Variants in SPATS2 observed in about 807,000 individuals in gnomAD.
SPATS2 encodes spermatogenesis associated serine rich 2.
In SPATS2, 38 loss-of-function variants were observed where a neutral mutation model predicts 63.7. The ratio of observed to expected loss-of-function variants is 0.60; its 90% CI spans 0.46 to 0.78. The LOEUF is 0.78. Among genes scored for constraint, SPATS2 ranks in the 30% least tolerant of loss-of-function variants. The pLI, the probability that SPATS2 is intolerant of heterozygous loss-of-function variation, is 0.00. For synonymous variants in SPATS2, 207 were observed against 232.9 expected, an observed-to-expected ratio of 0.89 and a Z score of 1.01; for missense variants, 588 against 666.2, an observed-to-expected ratio of 0.88 and a Z score of 1.29.
intron 3 of SPATS2, among the ~76,000 whole-genome samples, chr12:49,466,602 A>G (rs1300857532): frequency 6.6e-6 from 1 of 152,232 alleles, no homozygotes; most frequent in African/African-American, 2.4e-5. Context: ...GTTGAAAATC[A>G]GTAGACCATG....
At chr12:49,500,953 A>G (rs745759070) in intron 9 of SPATS2, among the ~76,000 whole-genome samples, 1 of 151,538 alleles carries the variant, frequency 6.6e-6, no homozygotes, top group African/African-American at 2.4e-5. Context: ...TATTATTATT[A>G]TTGTTGTTTT....
At chr12:49,423,721 C>G (rs1323561696) in intron 2 of SPATS2, among the ~76,000 whole-genome samples, 1 of 152,074 alleles carries the variant, frequency 6.6e-6, no homozygotes, top group Non-Finnish European at 1.5e-5. Context: ...TTAAAGAAAC[C>G]CTGTAAGTAA....
intron 2 of SPATS2, among the ~76,000 whole-genome samples, chr12:49,436,809 C>T (rs1204962155): frequency 7.4e-6 from 1 of 135,674 alleles, no homozygotes; most frequent in African/African-American, 2.8e-5. Context: ...TAGGGGCGGC[C>T]GGGCAGAGGC....
chr12:49,466,307 C>T (rs764670307), intron 3 of SPATS2, among the ~76,000 whole-genome samples: 1 of 151,786 alleles, frequency 6.6e-6, no homozygotes, highest in African/African-American at 2.4e-5. Flanking sequence ...GGATTACAGG[C>T]GCCCACCACC....
chr12:49,477,769 C>T (rs1349179428), intron 3 of SPATS2, among the ~76,000 whole-genome samples: 1 of 152,104 alleles, frequency 6.6e-6, no homozygotes, highest in Non-Finnish European at 1.5e-5. Context: ...CTAAATTTCC[C>T]TGATGTGCTC....
At chr12:49,456,031 C>T (rs1294801552) in intron 2 of SPATS2, among the ~76,000 whole-genome samples, 1 of 152,202 alleles carries the variant, frequency 6.6e-6, no homozygotes, top group African/African-American at 2.4e-5. Context: ...CTTGGTCTTG[C>T]TTGTTTGCCA....
At chr12:49,474,978 A>G (rs1169494653) in intron 3 of SPATS2, among the ~76,000 whole-genome samples, 2 of 152,198 alleles carry the variant, frequency 1.3e-5, no homozygotes, top group Non-Finnish European at 2.9e-5. Flanking sequence ...TTTTAAAACC[A>G]TCAGATCTCA....
rs115203788 is a variant in SPATS2, at chr12:49,489,929, A to G, written c.214+356A>G. On this transcript the variant is annotated intron_variant, in intron 5 of 13. Transcript: ENST00000552918. ...TTCAGTGGCTCACCAACAGATGGCA[A>G]ATTCAAGGACTCAGTATTGTCTTCC... 5.8e-3 allele frequency among the ~76,000 whole-genome samples: 876 copies of G among 152,324 alleles called. 7 individuals carry two copies. Among genetic ancestry groups the G allele is most frequent in the Middle Eastern group, 0.034 (10 of 294 alleles).
intron 2 of SPATS2, among the ~76,000 whole-genome samples, chr12:49,429,356 G>A (rs1426811573): frequency 6.6e-6 from 1 of 152,134 alleles, no homozygotes; most frequent in Non-Finnish European, 1.5e-5. Flanking sequence ...AGAGTTTTTA[G>A]ATTAAAGTAG....
At chr12:49,420,421 C>T (rs1304542487) in intron 2 of SPATS2, among the ~76,000 whole-genome samples, 1 of 152,176 alleles carries the variant, frequency 6.6e-6, no homozygotes, top group Non-Finnish European at 1.5e-5. Context: ...TGGGGAAACC[C>T]CATTTCTCCT....
At chr12:49,479,288 G>A (rs1451380142) in intron 3 of SPATS2, among the ~76,000 whole-genome samples, 1 of 152,262 alleles carries the variant, frequency 6.6e-6, no homozygotes, top group Non-Finnish European at 1.5e-5. Context: ...TGGCCTGACA[G>A]TGGGGCCTAA....
At chr12:49,525,906 G>A in intron 13 of SPATS2, 38 bp from the exon 14 acceptor site, 1 of 1,593,200 alleles carries the variant, frequency 6.3e-7, no homozygotes, top group Non-Finnish European at 8.6e-7. Flanking sequence ...GTACCATAAT[G>A]CTAGAGCACC....
chr12:49,523,788 A>G (rs1386140906), intron 12 of SPATS2, among the ~76,000 whole-genome samples: 2 of 151,768 alleles, frequency 1.3e-5, no homozygotes, highest in African/African-American at 4.8e-5. Context: ...CATCTCTACT[A>G]AAAAATACAA....
rs986100223 is a variant in SPATS2 at position 49,462,609 on chromosome 12, G to T, written c.25+1572G>T. The T allele has an allele frequency of 1.0e-5, 6 of 597,720 alleles. No homozygotes were observed. The Middle Eastern group carries it at 1.8e-3, about 175-fold the overall frequency. 37.0% of individuals were successfully genotyped at this position (597,720 alleles called of 1,614,324 possible). A position where few individuals can be genotyped will look rare whatever the true frequency, so the allele number is the denominator to read the frequency against. On this transcript the variant is annotated intron_variant, in intron 3 of 13. Transcript: ENST00000552918. ...CTCTTGTCTGGTGTCCAGGAAAAAT[G>T]AGGTCACACGAATGAATTGAAGGAT...
Position 49,460,096 on chromosome 12 carries a change from G to A in SPATS2, c.-243-674G>A, listed in dbSNP as rs139644174. On this transcript the variant is annotated intron_variant, in intron 2 of 13. Coordinates refer to ENST00000552918, the MANE Select transcript of SPATS2 (RefSeq NM_023071.4). ...GCACTTCAGCCTGGGCAACAAGAGC[G>A]AAACTCCGCCTCAAAAAAACAAACA... Among the ~76,000 whole-genome samples the A allele has an allele frequency of 8.3e-4, 125 of 151,400 alleles. 3 individuals carry two copies. The East Asian group carries it at 0.023, about 27-fold the overall frequency.
intron 2 of SPATS2, among the ~76,000 whole-genome samples, chr12:49,395,921 C>T (rs1944501648): frequency 6.6e-6 from 1 of 152,200 alleles, no homozygotes; most frequent in Non-Finnish European, 1.5e-5. Context: ...TCCCCCTCTT[C>T]CCAGCCCCTG....
intron 2 of SPATS2, among the ~76,000 whole-genome samples, chr12:49,390,335 A>G (rs1317378800): frequency 2.0e-5 from 3 of 152,230 alleles, no homozygotes; most frequent in Admixed American, 6.5e-5. Context: ...ACCTTTTTCC[A>G]AAACATAATT....
intron 4 of SPATS2, among the ~76,000 whole-genome samples, chr12:49,488,720 A>T (rs759910367): frequency 1.6e-4 from 24 of 152,158 alleles, no homozygotes; most frequent in Admixed American, 5.2e-4. Context: ...ATGCTATGTG[A>T]AAAAAACAAA....
intron 3 of SPATS2, among the ~76,000 whole-genome samples, chr12:49,470,874 A>T (rs1946023317): frequency 6.6e-6 from 1 of 152,236 alleles, no homozygotes; most frequent in Non-Finnish European, 1.5e-5. Flanking sequence ...TTCTGCCTTA[A>T]TTTAAGCTCA....
Sources: allele counts gnomAD v4.1 joint callset (sites outside exome capture counted in the v4.1 genomes callset), GRCh38; gene constraint gnomAD v4.1.1; transcripts MANE v1.5; gene names NCBI Gene and HGNC (gene_info 2026-07-23, HGNC 2026-07-21).